The following TMEM163 variants were observed in gnomAD, a reference collection of about 807,000 sequenced individuals.
The protein encoded by TMEM163 is transmembrane protein 163.
A neutral mutation model predicts 29.3 loss-of-function variants in TMEM163; 17 were observed. The ratio of observed to expected loss-of-function variants is 0.58; its 90% CI spans 0.40 to 0.87. TMEM163 has a LOEUF of 0.87. Among genes scored for constraint, TMEM163 ranks in the 40% least tolerant of loss-of-function variants. The pLI is 0.00. For synonymous variants in TMEM163, 157 were observed against 160.6 expected, an observed-to-expected ratio of 0.98 and a Z score of 0.17; for missense variants, 303 against 381.5, an observed-to-expected ratio of 0.79 and a Z score of 1.71.
intron 2 of TMEM163, among the ~76,000 whole-genome samples, chr2:134,609,949 C>G (rs572537424): frequency 6.6e-6 from 1 of 151,500 alleles, no homozygotes; most frequent in Non-Finnish European, 1.5e-5. Flanking sequence ...AAAGGTTTTA[C>G]GAGGCCTACA....
intron 2 of TMEM163, among the ~76,000 whole-genome samples, chr2:134,634,612 A>G (rs1182280496): frequency 6.6e-6 from 1 of 152,210 alleles, no homozygotes; most frequent in Admixed American, 6.5e-5. Flanking sequence ...AGAAAATAGG[A>G]TTAAGGTGGA....
chr2:134,596,733 T>C (rs895754848), intron 2 of TMEM163, among the ~76,000 whole-genome samples: 1 of 152,200 alleles, frequency 6.6e-6, no homozygotes, highest in Non-Finnish European at 1.5e-5. Flanking sequence ...TATTGATTCT[T>C]CCTATCCATG....
intron 2 of TMEM163, among the ~76,000 whole-genome samples, chr2:134,602,363 C>A (rs1682254536): frequency 6.6e-6 from 1 of 152,198 alleles, no homozygotes; most frequent in Non-Finnish European, 1.5e-5. Flanking sequence ...TCTTCCCCTT[C>A]CTACAGCCAC....
chr2:134,610,434 C>T (rs1682478667), intron 2 of TMEM163, among the ~76,000 whole-genome samples: 1 of 152,138 alleles, frequency 6.6e-6, no homozygotes, highest in African/African-American at 2.4e-5. Flanking sequence ...GATTGCTGGG[C>T]CCAGCCCCTG....
At chr2:134,507,808 G>T (rs1187544629) in intron 4 of TMEM163, among the ~76,000 whole-genome samples, 2 of 152,254 alleles carry the variant, frequency 1.3e-5, no homozygotes, top group African/African-American at 4.8e-5. Context: ...AGTGAGCCAT[G>T]ATCGTGCCAC....
intron 6 of TMEM163, among the ~76,000 whole-genome samples, chr2:134,462,940 C>A (rs75858111): frequency 0.017 from 2,643 of 152,256 alleles, 56 homozygotes; most frequent in African/African-American, 0.046. Flanking sequence ...ACCCCAACTG[C>A]GGTCAGTGAG....
At chr2:134,546,392 C>T (rs1253438951) in intron 4 of TMEM163, among the ~76,000 whole-genome samples, 2 of 152,168 alleles carry the variant, frequency 1.3e-5, no homozygotes, top group Non-Finnish European at 2.9e-5. Flanking sequence ...CCTGTAATAC[C>T]AGCACTTTGA....
At chr2:134,554,860 G>C (rs1489444910) in intron 2 of TMEM163, among the ~76,000 whole-genome samples, 2 of 152,190 alleles carry the variant, frequency 1.3e-5, no homozygotes, top group Admixed American at 6.5e-5. Context: ...TATCCCACCT[G>C]CACCAAGGAA....
Position 134,628,999 on chromosome 2 carries a change from T to C in TMEM163, c.323-76908A>G, listed in dbSNP as rs77104198. Among the ~76,000 whole-genome samples, 433 of 152,354 alleles carry C rather than the reference T, an allele frequency of 2.8e-3. 2 individuals are homozygous for C. Among genetic ancestry groups the C allele is most frequent in the African/African-American group, 9.8e-3 (406 of 41,584 alleles). On this transcript the variant is annotated intron_variant, in intron 2 of 7. Coordinates refer to ENST00000281924, the MANE Select transcript of TMEM163 (RefSeq NM_030923.5). ...CATCATAGATGCCTACGATATACTG[T>C]TAGATGATCAGCTAGTTGCAAAATA...
chr2:134,711,644 A>G (rs1310268582), intron 2 of TMEM163, among the ~76,000 whole-genome samples: 1 of 152,224 alleles, frequency 6.6e-6, no homozygotes, highest in African/African-American at 2.4e-5. Context: ...AATGAACAAC[A>G]TTTTTAAGAT....
intron 4 of TMEM163, among the ~76,000 whole-genome samples, chr2:134,544,214 A>C (rs1350981804): frequency 6.6e-6 from 1 of 152,122 alleles, no homozygotes; most frequent in Non-Finnish European, 1.5e-5. Context: ...GGCCTTACAC[A>C]GTACACAGGG....
chr2:134,516,780 C>CATATATATATGCATATATATGCATATAT (rs6146922), intron 4 of TMEM163, among the ~76,000 whole-genome samples: 1 of 139,460 alleles, frequency 7.2e-6, no homozygotes. Flanking sequence ...CATATCTATT[C>CATATATATATGCATATATATGCATATAT]ATATATATAT....
At chr2:134,468,745 G>C (rs892658751) in intron 5 of TMEM163, 4 of 152,224 alleles carry the variant, frequency 2.6e-5, no homozygotes, top group African/African-American at 4.8e-5. Context: ...CACAGGGCCT[G>C]GGGTGTGCTG....
intron 2 of TMEM163, among the ~76,000 whole-genome samples, chr2:134,554,273 A>C (rs1680997269): frequency 6.6e-6 from 1 of 151,884 alleles, no homozygotes; most frequent in African/African-American, 2.4e-5. Flanking sequence ...AAATGCAAAA[A>C]GAATAAGCCG....
rs1404530624 is a variant in TMEM163, at chr2:134,460,287, C to T, written c.668-2114G>A. ...CCCTGCAACAGCCATCCTGCCCTCC[C>T]CTCAGGGCCACTGGGCTTGTCACCA... On this transcript the variant is annotated intron_variant, in intron 6 of 7. Transcript: ENST00000281924. This position sits in a 1 kb window ranked among gnomAD's most constrained non-coding sequence, Gnocchi z 4.3. 6.6e-6 allele frequency among the ~76,000 whole-genome samples: 1 copy of T among 152,044 alleles called. No individual in the cohort carries two copies. Among genetic ancestry groups the T allele is most frequent in the African/African-American group, 2.4e-5 (1 of 41,402 alleles).
chr2:134,493,821 T>C (rs1235535123), intron 5 of TMEM163, among the ~76,000 whole-genome samples: 1 of 152,196 alleles, frequency 6.6e-6, no homozygotes, highest in Non-Finnish European at 1.5e-5. Flanking sequence ...TTGATGCCCC[T>C]TTTTGTCCAT....
intron 2 of TMEM163, among the ~76,000 whole-genome samples, chr2:134,603,513 C>T (rs1196206811): frequency 6.6e-6 from 1 of 152,106 alleles, no homozygotes. Flanking sequence ...AGACACACAC[C>T]CACTACTGTG....
chr2:134,535,680 T>C (rs1680520395), intron 4 of TMEM163, among the ~76,000 whole-genome samples: 1 of 152,058 alleles, frequency 6.6e-6, no homozygotes, highest in Non-Finnish European at 1.5e-5. Flanking sequence ...ATTACTTTTA[T>C]ATGTATAAAT....
intron 2 of TMEM163, among the ~76,000 whole-genome samples, chr2:134,648,063 A>G (rs570241266): frequency 5.9e-5 from 9 of 152,284 alleles, no homozygotes; most frequent in African/African-American, 2.2e-4. Flanking sequence ...AGCGTCCAGG[A>G]GGAATGAGGT....
Sources: gnomAD v4.1 joint callset for allele counts (sites outside exome capture counted in the v4.1 genomes callset) on GRCh38, gnomAD v4.1.1 for gene constraint, Gnocchi (gnomAD v3.1) non-coding constraint, MANE v1.5 for transcripts, NCBI Gene and HGNC (gene_info 2026-07-23, HGNC 2026-07-21) for gene names.